The following ABCC12 variants were observed in gnomAD, a reference collection of about 807,000 sequenced individuals.
The protein encoded by ABCC12 is ATP binding cassette subfamily C member 12.
ABCC12 carries 142 observed loss-of-function variants against 151.1 expected under a neutral mutation model. That is an observed-to-expected ratio of 0.94 (90% CI 0.82 to 1.08). The LOEUF (loss-of-function observed/expected upper bound fraction) is 1.08, where lower values mean the gene tolerates loss of function less well. Among genes scored for constraint, ABCC12 ranks in the 50% least tolerant of loss-of-function variants. The pLI is 0.00. For synonymous variants in ABCC12, 645 were observed against 646.4 expected (o/e 1.00, Z 0.03); for missense variants, 1,638 against 1,691.1 (o/e 0.97, Z 0.55).
rs1031656784 is a variant in ABCC12 at position 48,081,481 on chromosome 16, G to T, written c.*2234C>A. 6.6e-6 allele frequency among the ~76,000 whole-genome samples: 1 copy of T among 152,160 alleles called. No homozygotes were observed. Among genetic ancestry groups the T allele is most frequent in the African/African-American group, 2.4e-5 (1 of 41,446 alleles). Reference sequence around the variant, plus strand: ...GACTGGAGGGGCTTTGTTGTGAAGGGGTTGGGAGCAGGGCCTGTGGAGCCA... The same window carrying T: ...GACTGGAGGGGCTTTGTTGTGAAGGTGTTGGGAGCAGGGCCTGTGGAGCCA... On this transcript the variant is annotated 3_prime_UTR_variant, in exon 31 of 31. Transcript: ENST00000311303.
chr16:48,121,955 A>G, intron 12 of ABCC12, 115 bp from the exon 13 acceptor site: 1 of 1,459,628 alleles, frequency 6.9e-7, no homozygotes, highest in Non-Finnish European at 9.2e-7. Flanking sequence ...GAAGGCACAA[A>G]AGCGTTGACA....
At chr16:48,148,937 T>A (rs1965079259) in intron 2 of ABCC12, among the ~76,000 whole-genome samples, 1 of 151,986 alleles carries the variant, frequency 6.6e-6, no homozygotes, top group Admixed American at 6.6e-5. Context: ...CAGCTATATT[T>A]CCAATACCTA....
At chr16:48,085,489 C>A in intron 29 of ABCC12, 104 bp downstream of exon 29, 1 of 957,920 alleles carries the variant, frequency 1.0e-6, no homozygotes, top group Admixed American at 2.0e-5. Flanking sequence ...GGCTCAATTG[C>A]TGTCTCTTTG....
chr16:48,134,569 C>G (rs568381156), intron 8 of ABCC12, among the ~76,000 whole-genome samples: 144 of 152,292 alleles, frequency 9.5e-4, no homozygotes, highest in Non-Finnish European at 1.0e-3. Flanking sequence ...GAGCCGAGGA[C>G]AGAGCTCTGA....
chr16:48,144,887 TCAGTAAGATGGGTGG>T (rs1472029480), intron 3 of ABCC12, among the ~76,000 whole-genome samples: 4 of 152,048 alleles, frequency 2.6e-5, no homozygotes, highest in Non-Finnish European at 5.9e-5. Context: ...TCACAACAAC[TCAGTAAGATGGGTGG>T]CAGGGTCATA....
Position 48,133,705 on chromosome 16 carries a change from G to A in ABCC12, c.1110C>T (p.Arg370=). 2 of 1,614,076 alleles carry A rather than the reference G, an allele frequency of 1.2e-6. No individual in the cohort carries two copies. The highest frequency in any genetic ancestry group is 1.7e-4 in the Middle Eastern group (1 of 6,054). The stretch of plus-strand genomic sequence containing the variant: ...CTCTTACCACGGGTGCGGTGAGTTT[G>A]CGTCTCAGGAGGATGTGGCAGGATA... The part of the protein sequence containing the change: ...LTLSCHILLR[R]KLTAPVAFSV... The change falls in exon 9 of 31, where the codon CGC becomes CGT. Residue 370 remains arginine, a synonymous_variant. Coordinates refer to ENST00000311303, the MANE Select transcript of ABCC12 (RefSeq NM_001393797.1).
chr16:48,112,701 G>A (rs1408425223), intron 15 of ABCC12, among the ~76,000 whole-genome samples: 2 of 152,110 alleles, frequency 1.3e-5, no homozygotes, highest in Non-Finnish European at 2.9e-5. Flanking sequence ...TGATCTTCAC[G>A]AAGGTCCTCC....
At chr16:48,106,834 C>T (rs1014194138) in intron 20 of ABCC12, among the ~76,000 whole-genome samples, 3 of 152,192 alleles carry the variant, frequency 2.0e-5, no homozygotes, top group Admixed American at 6.5e-5. Context: ...GAAGGGTCCC[C>T]CATGGCTCTG....
intron 24 of ABCC12, among the ~76,000 whole-genome samples, chr16:48,091,984 G>A (rs538369639): frequency 3.9e-5 from 6 of 152,296 alleles, no homozygotes; most frequent in South Asian, 2.1e-4. Context: ...AGAAGTCACC[G>A]AGGAGAAGGG....
At chr16:48,098,340 C>G (rs148561073) in intron 23 of ABCC12, among the ~76,000 whole-genome samples, 89 of 152,222 alleles carry the variant, frequency 5.8e-4, no homozygotes, top group Non-Finnish European at 9.1e-4. Flanking sequence ...AATGAAAACC[C>G]TTCCACGCTT....
chr16:48,127,181 A>C (rs1050789941), intron 11 of ABCC12, among the ~76,000 whole-genome samples: 2 of 152,006 alleles, frequency 1.3e-5, no homozygotes, highest in African/African-American at 4.8e-5. Flanking sequence ...ATAAATAAGA[A>C]CCTCTCCTTC....
intron 4 of ABCC12, among the ~76,000 whole-genome samples, chr16:48,142,184 A>C (rs576237973): frequency 0.032 from 4,904 of 152,264 alleles, 250 homozygotes; most frequent in African/African-American, 0.11. Flanking sequence ...GAATAGTGCT[A>C]AGTCTGGGGC....
chr16:48,100,812 C>T, intron 23 of ABCC12, 60 bp downstream of exon 23: 18 of 1,582,164 alleles, frequency 1.1e-5, no homozygotes, highest in Non-Finnish European at 1.5e-5. Flanking sequence ...CCTGTGCACT[C>T]CCCATCGGAG....
intron 1 of ABCC12, among the ~76,000 whole-genome samples, chr16:48,154,754 T>C (rs1401154049): frequency 6.6e-6 from 1 of 152,278 alleles, no homozygotes; most frequent in Non-Finnish European, 1.5e-5. Context: ...AACAACTTTA[T>C]GTTTGAGAAC....
At chr16:48,143,063 C>T (rs941518392) in intron 4 of ABCC12, among the ~76,000 whole-genome samples, 10 of 152,158 alleles carry the variant, frequency 6.6e-5, no homozygotes, top group African/African-American at 2.4e-4. Context: ...ATGACATTTA[C>T]ATTTTTACAA....
At chr16:48,086,888 T>A in intron 27 of ABCC12, 69 bp from the exon 28 acceptor site, 3 of 1,345,536 alleles carry the variant, frequency 2.2e-6, no homozygotes, top group Non-Finnish European at 3.2e-6. Context: ...GCGGAGCAGG[T>A]TTTCTGTAGC....
Position 48,139,352 on chromosome 16 carries a change from C to G in ABCC12, c.658-16G>C. On this transcript the variant is annotated splice_polypyrimidine_tract_variant and intron_variant, in intron 6 of 30. Coordinates refer to ENST00000311303, the MANE Select transcript of ABCC12 (RefSeq NM_001393797.1). ...TATTGAGCACCTGGAAAGAAAAGCG[C>G]AAAGGTTCAGGCTTTGGAAGAGTCA... The G allele has an allele frequency of 1.3e-6, 2 of 1,592,076 alleles. No homozygotes were observed.
At position 48,094,893 on chromosome 16, in the gene ABCC12, G is replaced by C. The variant is rs182832910; in HGVS notation, c.3195+1853C>G. On this transcript the variant is annotated intron_variant, in intron 24 of 30. Coordinates refer to ENST00000311303, the MANE Select transcript of ABCC12 (RefSeq NM_001393797.1). ...GTGAAACAAAGGCAGAGGAAACTCT[G>C]AAAACCCAACCCAGTTCCCCGGAGT... Among the ~76,000 whole-genome samples, 749 of 152,276 alleles carry C rather than the reference G, an allele frequency of 4.9e-3. 3 individuals carry two copies. The highest frequency in any genetic ancestry group is 8.1e-3 in the Non-Finnish European group (551 of 68,022).
At chr16:48,105,495 G>A (rs1963461936) in intron 20 of ABCC12, among the ~76,000 whole-genome samples, 159 bp from the exon 21 acceptor site, 1 of 152,208 alleles carries the variant, frequency 6.6e-6, no homozygotes, top group African/African-American at 2.4e-5. Flanking sequence ...CCCTTCTGGG[G>A]CCTCTGAGCT....
Sources: allele counts gnomAD v4.1 joint callset (sites outside exome capture counted in the v4.1 genomes callset), GRCh38; gene constraint gnomAD v4.1.1; transcripts MANE v1.5; gene names NCBI Gene and HGNC (gene_info 2026-07-23, HGNC 2026-07-21).